The following RNF144B variants were observed in gnomAD, a reference collection of about 807,000 sequenced individuals.
The protein encoded by RNF144B is ring finger protein 144B, also known as E3 ubiquitin-protein ligase RNF144B.
Under a neutral mutation model 40.2 loss-of-function variants are expected in RNF144B, and 25 were observed. That is an observed-to-expected ratio of 0.62 (90% CI 0.45 to 0.87). The LOEUF is 0.87. Among genes scored for constraint, RNF144B ranks in the 40% least tolerant of loss-of-function variants. The pLI, the probability that RNF144B is intolerant of heterozygous loss-of-function variation, is 0.00. For missense variants in RNF144B, 365 were observed against 373.7 expected, an observed-to-expected ratio of 0.98 and a Z score of 0.19; for synonymous variants, 145 against 136.3, an observed-to-expected ratio of 1.06 and a Z score of -0.44.
At position 18,447,415 on chromosome 6, in the gene RNF144B, G is replaced by A. The variant is rs1759108407; in HGVS notation, c.331+7671G>A. ...ATTTGAAAGTGTTAGTCAAGGGCCTGATCCCATAGATTATGAAGATGAAGT... is the reference window on the plus strand; with the variant it reads ...ATTTGAAAGTGTTAGTCAAGGGCCTAATCCCATAGATTATGAAGATGAAGT... On this transcript the variant is annotated intron_variant, in intron 4 of 7. Coordinates refer to ENST00000259939, the MANE Select transcript of RNF144B (RefSeq NM_182757.4). The surrounding 1 kb of genome is among the most constrained non-coding windows in gnomAD (Gnocchi z 5.6). Among the ~76,000 whole-genome samples the A allele has an allele frequency of 6.6e-6, 1 of 152,164 alleles. No individual in the cohort carries two copies.
intron 2 of RNF144B, among the ~76,000 whole-genome samples, chr6:18,420,859 T>A (rs1795244540): frequency 6.6e-6 from 1 of 152,138 alleles, no homozygotes; most frequent in Non-Finnish European, 1.5e-5. Flanking sequence ...CGAAAACTTA[T>A]ACAAACATGA....
chr6:18,460,915 TA>T lies in RNF144B; in HGVS notation c.681+1168del, dbSNP rs1447381679. On this transcript the variant is annotated intron_variant, in intron 6 of 7. Coordinates refer to ENST00000259939, the MANE Select transcript of RNF144B (RefSeq NM_182757.4). This position sits in a 1 kb window ranked among gnomAD's most constrained non-coding sequence, Gnocchi z 4.4. ...ACTCTGTTTTGGCAATTTGGACCTC[TA>T]AAATATGTCCATATCAGCGTAAGCC... Among the ~76,000 whole-genome samples, 1 of 152,246 alleles carries T rather than the reference TA, an allele frequency of 6.6e-6. No individual in the cohort carries two copies. Among genetic ancestry groups the T allele is most frequent in the Non-Finnish European group, 1.5e-5 (1 of 68,048 alleles).
rs1759619649 is a variant in RNF144B, at chr6:18,468,479, A to T, written c.*3412A>T. ...AAAATATCTACTTATCCAGGTTTGC[A>T]AATGTACATGTTCATTTGAATGTAA... On this transcript the variant is annotated 3_prime_UTR_variant, in exon 8 of 8. Coordinates refer to ENST00000259939, the MANE Select transcript of RNF144B (RefSeq NM_182757.4). The T allele has an allele frequency of 6.6e-6, 1 of 152,218 alleles. No individual in the cohort carries two copies. Among genetic ancestry groups the T allele is most frequent in the Non-Finnish European group, 1.5e-5 (1 of 68,042 alleles). 9.4% of individuals were successfully genotyped at this position (152,218 alleles called of 1,614,324 possible).
chr6:18,387,519 A>G lies in RNF144B; in HGVS notation c.-148A>G. 1 of 1,314,142 alleles carries G rather than the reference A, an allele frequency of 7.6e-7. No individual in the cohort carries two copies. The allele number at this position is 1,314,142 out of a possible 1,614,324, so 81.4% of individuals were successfully genotyped here. A position where few individuals can be genotyped will look rare whatever the true frequency, so the allele number is the denominator to read the frequency against. The stretch of plus-strand genomic sequence containing the variant: ...GTCAGCCGCAGAGCACGGAGGAAAG[A>G]CGGAGAGAATGGAAGAGCTCCTGTC... On this transcript the variant is annotated 5_prime_UTR_variant, in exon 1 of 8. Coordinates refer to ENST00000259939, the MANE Select transcript of RNF144B (RefSeq NM_182757.4).
rs1009650146 is a variant in RNF144B at position 18,458,078 on chromosome 6, C to A, written c.536+719C>A. 6.6e-6 allele frequency among the ~76,000 whole-genome samples: 1 copy of A among 152,088 alleles called. No individual in the cohort carries two copies. The highest frequency in any genetic ancestry group is 1.5e-5 in the Non-Finnish European group (1 of 68,020). On this transcript the variant is annotated intron_variant, in intron 5 of 7. Coordinates refer to ENST00000259939, the MANE Select transcript of RNF144B (RefSeq NM_182757.4). This position sits in a 1 kb window ranked among gnomAD's most constrained non-coding sequence, Gnocchi z 4.8. ...TCAGCCTCCCGATTAGCTGGGATTG[C>A]AGGCACTTGCCACCACGCCTGGCTA...
rs528926516 is a variant in RNF144B at position 18,465,862 on chromosome 6, A to G, written c.*795A>G. ...TCTACAGAATTGTTTCATATAAAAT[A>G]CGGGTAGAGTGGTAGAGTTTCAAAA... On this transcript the variant is annotated 3_prime_UTR_variant, in exon 8 of 8. Transcript: ENST00000259939. 1 of 152,362 alleles carries G rather than the reference A, an allele frequency of 6.6e-6. No homozygotes were observed. Among genetic ancestry groups the G allele is most frequent in the African/African-American group, 2.4e-5 (1 of 41,590 alleles). 9.4% of individuals were successfully genotyped at this position (152,362 alleles called of 1,614,324 possible). A position where few individuals can be genotyped will look rare whatever the true frequency, so the allele number is the denominator to read the frequency against.
chr6:18,416,214 T>C lies in RNF144B; in HGVS notation c.166-11367T>C, dbSNP rs544562534. ...ATCTCTTTGGGATTAGTATAAAAAG[T>C]GGGGCCTCCTTCTGTTAAGAAAGGC... On this transcript the variant is annotated intron_variant, in intron 2 of 7. Transcript: ENST00000259939. The surrounding 1 kb of genome is among the most constrained non-coding windows in gnomAD (Gnocchi z 5.5). Among the ~76,000 whole-genome samples the C allele has an allele frequency of 6.6e-5, 10 of 152,154 alleles. No individual in the cohort carries two copies. Among genetic ancestry groups the C allele is most frequent in the Non-Finnish European group, 1.3e-4 (9 of 68,016 alleles).
chr6:18,427,601 G>T lies in RNF144B; in HGVS notation c.186G>T (p.Gln62His). ...TCCAGTGCCTGAAACAGTACATGCA[G>T]CTGGCAATCCGAGAAGGATGTGGGT... ...FCTACLKQYM[Q>H]LAIREGCGSP... The change falls in exon 3 of 8, where the codon CAG becomes CAT. Residue 62 changes from glutamine (Q) to histidine (H), a missense_variant. Gln to His is a conservative substitution (Grantham distance 24). Transcript: ENST00000259939. The T allele has an allele frequency of 6.2e-7, 1 of 1,613,514 alleles. No individual in the cohort carries two copies. The highest frequency in any genetic ancestry group is 8.5e-7 in the Non-Finnish European group (1 of 1,179,588).
Position 18,467,257 on chromosome 6 carries a change from A to C in RNF144B, c.*2190A>C, listed in dbSNP as rs1218974357. 2 of 152,616 alleles carry C rather than the reference A, an allele frequency of 1.3e-5. No individual in the cohort carries two copies. Among genetic ancestry groups the C allele is most frequent in the Non-Finnish European group, 2.9e-5 (2 of 68,034 alleles). 9.5% of individuals were successfully genotyped at this position (152,616 alleles called of 1,614,324 possible). A position where few individuals can be genotyped will look rare whatever the true frequency, so the allele number is the denominator to read the frequency against. ...AGTCTTTAAATGGGGGCTGATTTCAAGTAACCTAAAAGACTGTGTTATCAG... is the reference window on the plus strand; with the variant it reads ...AGTCTTTAAATGGGGGCTGATTTCACGTAACCTAAAAGACTGTGTTATCAG... On this transcript the variant is annotated 3_prime_UTR_variant, in exon 8 of 8. Transcript: ENST00000259939.
At chr6:18,393,442 A>G (rs2113453858) in intron 1 of RNF144B, among the ~76,000 whole-genome samples, 1 of 152,294 alleles carries the variant, frequency 6.6e-6, no homozygotes, top group Middle Eastern at 3.4e-3. Flanking sequence ...TTTGGATTGT[A>G]TTTAGGGTAG....
At chr6:18,394,064 C>G (rs1190778217) in intron 1 of RNF144B, among the ~76,000 whole-genome samples, 2 of 152,148 alleles carry the variant, frequency 1.3e-5, no homozygotes, top group Non-Finnish European at 2.9e-5. Flanking sequence ...CTAGCTGATT[C>G]ATTTTAGTAG....
At chr6:18,403,454 A>C (rs1418339195) in intron 2 of RNF144B, among the ~76,000 whole-genome samples, 1 of 152,232 alleles carries the variant, frequency 6.6e-6, no homozygotes, top group Non-Finnish European at 1.5e-5. Context: ...GCTAAGCAAA[A>C]AGAAAATAAA....
rs1475856767 is a variant in RNF144B, at chr6:18,444,474, G to T, written c.331+4730G>T. 2.0e-5 allele frequency among the ~76,000 whole-genome samples: 3 copies of T among 150,942 alleles called. No individual in the cohort carries two copies. The highest frequency in any genetic ancestry group is 2.1e-4 in the South Asian group (1 of 4,778). On this transcript the variant is annotated intron_variant, in intron 4 of 7. Coordinates refer to ENST00000259939, the MANE Select transcript of RNF144B (RefSeq NM_182757.4). The surrounding 1 kb of genome is among the most constrained non-coding windows in gnomAD (Gnocchi z 4.3). ...TACTTTTTCAAAATAGTTTTTTTTT[G>T]AAAATTGGGTTAAGATGATCCATCT...
intron 2 of RNF144B, 57 bp downstream of exon 2, chr6:18,399,756 G>A: frequency 7.1e-7 from 1 of 1,414,886 alleles, no homozygotes; most frequent in East Asian, 2.3e-5. Context: ...AATCATAAAA[G>A]TAGGATATAT....
At chr6:18,407,828 A>G (rs1172499811) in intron 2 of RNF144B, among the ~76,000 whole-genome samples, 1 of 152,120 alleles carries the variant, frequency 6.6e-6, no homozygotes, top group Non-Finnish European at 1.5e-5. Context: ...CAATGTAGGA[A>G]ATAGTGAGCT....
Position 18,464,457 on chromosome 6 carries a change from A to T in RNF144B, c.772-470A>T, listed in dbSNP as rs1355063330. On this transcript the variant is annotated intron_variant, in intron 7 of 7. Transcript: ENST00000259939. The surrounding 1 kb of genome is among the most constrained non-coding windows in gnomAD (Gnocchi z 6.1). ...CTAGCTGAAAGGTCCCAGAAATGTA[A>T]CTGTTCTGTGTGCCTGAGATGATGT... Among the ~76,000 whole-genome samples the T allele has an allele frequency of 6.6e-6, 1 of 152,174 alleles. No individual in the cohort carries two copies. Among genetic ancestry groups the T allele is most frequent in the East Asian group, 1.9e-4 (1 of 5,184 alleles).
rs1217394977 is a variant in RNF144B at position 18,443,513 on chromosome 6, G to T, written c.331+3769G>T. Among the ~76,000 whole-genome samples the T allele has an allele frequency of 6.6e-6, 1 of 151,922 alleles. No individual in the cohort carries two copies. The highest frequency in any genetic ancestry group is 1.9e-4 in the East Asian group (1 of 5,186). ...TAACCTCAAGTGATCCACCCACCTC[G>T]GCCTCCCAAAGTTCTGGGATTACAG... On this transcript the variant is annotated intron_variant, in intron 4 of 7. Transcript: ENST00000259939. The surrounding 1 kb of genome is among the most constrained non-coding windows in gnomAD (Gnocchi z 4.7).
At position 18,447,767 on chromosome 6, in the gene RNF144B, G is replaced by T. The variant is rs534932531; in HGVS notation, c.331+8023G>T. ...TTTGGAATCGTCAGCATAGAGGTCA[G>T]GTTTAAAGCTGTGACACTGAATGAG... On this transcript the variant is annotated intron_variant, in intron 4 of 7. Transcript: ENST00000259939. The surrounding 1 kb of genome is among the most constrained non-coding windows in gnomAD (Gnocchi z 5.6). Among the ~76,000 whole-genome samples the T allele has an allele frequency of 6.6e-6, 1 of 152,258 alleles. No individual in the cohort carries two copies. Among genetic ancestry groups the T allele is most frequent in the South Asian group, 2.1e-4 (1 of 4,826 alleles).
chr6:18,454,615 A>G (rs578046428), intron 4 of RNF144B, among the ~76,000 whole-genome samples: 138 of 152,304 alleles, frequency 9.1e-4, no homozygotes, highest in African/African-American at 3.2e-3. Flanking sequence ...ACGGAAGTTC[A>G]GTGTTTTCTC....
Sources: allele counts gnomAD v4.1 joint callset (sites outside exome capture counted in the v4.1 genomes callset), GRCh38; gene constraint gnomAD v4.1.1; non-coding constraint Gnocchi (gnomAD v3.1); transcripts MANE v1.5; gene names NCBI Gene and HGNC (gene_info 2026-07-23, HGNC 2026-07-21).